Variants in HDAC4 observed in about 807,000 individuals in gnomAD.
HDAC4 encodes the protein histone deacetylase A.
In HDAC4, 16 loss-of-function variants were observed where a neutral mutation model predicts 135.1. The observed-to-expected ratio is 0.12, with a 90% confidence interval of 0.08 to 0.18. The LOEUF is 0.18. Among genes scored for constraint, HDAC4 ranks in the 10% least tolerant of loss-of-function variants. The probability of loss-of-function intolerance (pLI) is 1.00; values close to 1 mark genes in which losing one functional copy is unlikely to be tolerated. For synonymous variants in HDAC4, 685 were observed against 653.4 expected (o/e 1.05, Z -0.74); for missense variants, 1,143 against 1,511.8 (o/e 0.76, Z 4.05).
intron 1 of HDAC4, among the ~76,000 whole-genome samples, chr2:239,370,533 C>T (rs1191178782): frequency 6.6e-6 from 1 of 152,246 alleles, no homozygotes; most frequent in Non-Finnish European, 1.5e-5. Flanking sequence ...GGCCTCCCTG[C>T]TCCCTGCCTT....
chr2:239,265,147 A>T (rs1354040666), intron 2 of HDAC4, among the ~76,000 whole-genome samples: 1 of 152,098 alleles, frequency 6.6e-6, no homozygotes, highest in Non-Finnish European at 1.5e-5. Flanking sequence ...CCAGGGGAGG[A>T]CTTGCTGCTC....
chr2:239,083,096 G>A (rs1336006218), intron 20 of HDAC4, among the ~76,000 whole-genome samples: 3 of 152,276 alleles, frequency 2.0e-5, no homozygotes, highest in African/African-American at 7.2e-5. Flanking sequence ...GACGCACATG[G>A]AGGCTTTCCC....
intron 2 of HDAC4, among the ~76,000 whole-genome samples, chr2:239,280,443 C>T (rs1411359787): frequency 3.3e-5 from 5 of 152,182 alleles, no homozygotes; most frequent in African/African-American, 4.8e-5. Flanking sequence ...ATGACTCAGC[C>T]GTGCCGACTG....
In HDAC4 at chr2:239,235,591, G is replaced by A. The variant is rs1221075140; in HGVS notation, c.94+1002C>T. 6.6e-5 allele frequency among the ~76,000 whole-genome samples: 10 copies of A among 152,352 alleles called. No individual in the cohort carries two copies. In the East Asian group the frequency reaches 1.9e-3, roughly 29 times the overall value. ...CAGCCCCACGCCATCAGGAGGTTCA[G>A]GTTTTATTCTCGGAGAGGCTGCATG... is the stretch of plus-strand genomic sequence containing the variant. On this transcript the variant is annotated intron_variant, in intron 3 of 26. Transcript: ENST00000543185.
chr2:239,134,103 G>A (rs763756187), intron 11 of HDAC4, 142 bp downstream of exon 11: 8 of 707,160 alleles, frequency 1.1e-5, no homozygotes, highest in East Asian at 5.4e-5. Flanking sequence ...GCTACATCAC[G>A]TGATGGGGAT....
rs535587378 is a variant in HDAC4 at position 239,307,932 on chromosome 2, C to T, written c.22+44746G>A. On this transcript the variant is annotated intron_variant, in intron 2 of 26. Transcript: ENST00000543185. The surrounding 1 kb of genome is among the most constrained non-coding windows in gnomAD (Gnocchi z 4.8). ...AGAATTCCTGATCTCCACCTGAAAA[C>T]GGAACACAAGGCCCGGCAGCAACAG... 2.3e-4 allele frequency among the ~76,000 whole-genome samples: 35 copies of T among 152,296 alleles called. No individual in the cohort carries two copies. The highest frequency in any genetic ancestry group is 4.1e-4 in the Non-Finnish European group (28 of 68,026).
rs867663084 is a variant in HDAC4 at position 239,400,987 on chromosome 2, T to G, written c.-229A>C. On this transcript the variant is annotated 5_prime_UTR_variant, in exon 1 of 27. An upstream start codon of the reference 5' UTR is lost. Coordinates refer to ENST00000543185, the MANE Select transcript of HDAC4 (RefSeq NM_001378414.1). This position sits in a 1 kb window ranked among gnomAD's most constrained non-coding sequence, Gnocchi z 4.7. ...CAAAAAATTGACCCACGTTGAACCA[T>G]GATGCTTCTCCCCACTCCAGCGTCG... 6.6e-6 allele frequency: 1 copy of G among 152,562 alleles called. No individual in the cohort carries two copies. The highest frequency in any genetic ancestry group is 1.5e-5 in the Non-Finnish European group (1 of 67,918). The allele number at this position is 152,562 out of a possible 1,614,324, so 9.5% of individuals were successfully genotyped here.
chr2:239,204,679 G>A (rs2045942980), intron 3 of HDAC4, among the ~76,000 whole-genome samples: 1 of 152,178 alleles, frequency 6.6e-6, no homozygotes, highest in African/African-American at 2.4e-5. Flanking sequence ...TCCCGGGCCT[G>A]GCACAGAGAG....
intron 24 of HDAC4, among the ~76,000 whole-genome samples, chr2:239,062,931 C>T (rs1413972725): frequency 2.0e-5 from 3 of 152,190 alleles, no homozygotes; most frequent in South Asian, 2.1e-4. Flanking sequence ...CTCTGGCTGG[C>T]GCAGGCCCCT....
chr2:239,094,907 T>C, intron 17 of HDAC4, 103 bp downstream of exon 17: 1 of 1,605,320 alleles, frequency 6.2e-7, no homozygotes, highest in African/African-American at 1.3e-5. Context: ...GGAAAACACC[T>C]GGCAGCAATT....
chr2:239,134,145 C>T (rs1575144824), intron 11 of HDAC4, 100 bp downstream of exon 11: 8 of 875,292 alleles, frequency 9.1e-6, no homozygotes, highest in East Asian at 5.1e-5. Flanking sequence ...GTGGGACAGG[C>T]GTGCATTCCT....
intron 22 of HDAC4, among the ~76,000 whole-genome samples, chr2:239,070,029 CTCTCT>C (rs1329009002): frequency 6.6e-6 from 1 of 151,640 alleles, no homozygotes; most frequent in Non-Finnish European, 1.5e-5. Context: ...CCTGCCCATC[CTCTCT>C]TCTGAGACTG....
Position 239,065,090 on chromosome 2 carries a change from G to A in HDAC4, c.3003+1632C>T, listed in dbSNP as rs562573830. Among the ~76,000 whole-genome samples the A allele has an allele frequency of 1.1e-4, 17 of 152,374 alleles. No homozygotes were observed. In the South Asian group the frequency reaches 2.5e-3, roughly 22 times the overall value. On this transcript the variant is annotated intron_variant, in intron 24 of 26. Transcript: ENST00000543185. ...CCCTTAGTTGCACGGCACCCGGACC[G>A]TCCTGGAGTGAGCAGGGCCAGCTTT...
chr2:239,364,532 C>A (rs935009987), intron 1 of HDAC4, among the ~76,000 whole-genome samples: 2 of 151,958 alleles, frequency 1.3e-5, no homozygotes, highest in Admixed American at 6.6e-5. Context: ...GGGTGGGGGA[C>A]GGCCACTGAA....
intron 4 of HDAC4, among the ~76,000 whole-genome samples, chr2:239,184,590 G>T (rs2044392914): frequency 6.9e-6 from 1 of 145,564 alleles, no homozygotes. Context: ...CTATCGGGGG[G>T]GGTCCCTCAG....
chr2:239,101,898 C>A (rs1172697534), intron 16 of HDAC4, among the ~76,000 whole-genome samples: 2 of 144,330 alleles, frequency 1.4e-5, no homozygotes, highest in African/African-American at 2.6e-5. Context: ...GGGTTCTGTG[C>A]CCTGGGAGCC....
At chr2:239,058,353 CAATG>C (rs1191219329) in intron 24 of HDAC4, among the ~76,000 whole-genome samples, 2 of 152,164 alleles carry the variant, frequency 1.3e-5, no homozygotes, top group African/African-American at 4.8e-5. Context: ...TGGGGACAAA[CAATG>C]AATAAGATGC....
intron 22 of HDAC4, among the ~76,000 whole-genome samples, chr2:239,080,155 C>A (rs976628719): frequency 6.6e-6 from 1 of 152,198 alleles, no homozygotes; most frequent in Non-Finnish European, 1.5e-5. Flanking sequence ...TGGACACACA[C>A]ATATGCAGAC....
At chr2:239,321,261 C>T (rs1405807813) in intron 2 of HDAC4, among the ~76,000 whole-genome samples, 5 of 152,000 alleles carry the variant, frequency 3.3e-5, no homozygotes, top group African/African-American at 9.7e-5. Flanking sequence ...GTCAGGAGAT[C>T]GAGACCATCC....
Sources: allele counts gnomAD v4.1 joint callset (sites outside exome capture counted in the v4.1 genomes callset), GRCh38; gene constraint gnomAD v4.1.1; non-coding constraint Gnocchi (gnomAD v3.1); transcripts MANE v1.5; gene names NCBI Gene and HGNC (gene_info 2026-07-23, HGNC 2026-07-21).